Variants in SUGCT observed in about 807,000 individuals in gnomAD.
The protein encoded by SUGCT is succinyl-CoA:glutarate-CoA transferase, also known as succinyl-CoA:glutarate CoA-transferase.
SUGCT carries 41 observed loss-of-function variants against 55.0 expected under a neutral mutation model. The ratio of observed to expected loss-of-function variants is 0.74; its 90% CI spans 0.58 to 0.97. The LOEUF (loss-of-function observed/expected upper bound fraction) is 0.97, where lower values mean the gene tolerates loss of function less well. Among genes scored for constraint, SUGCT ranks in the 50% least tolerant of loss-of-function variants. SUGCT has a pLI of 0.00. For missense variants in SUGCT, 568 were observed against 547.8 expected, an observed-to-expected ratio of 1.04 and a Z score of -0.37; for synonymous variants, 187 against 200.4, an observed-to-expected ratio of 0.93 and a Z score of 0.56.
At chr7:40,282,490 CAA>C (rs1793024922) in intron 8 of SUGCT, among the ~76,000 whole-genome samples, 5 of 99,150 alleles carry the variant, frequency 5.0e-5, no homozygotes, top group Admixed American at 3.0e-4. Flanking sequence ...AAAACAAAAA[CAA>C]AAACAAACAA....
the SUGCT span, among the ~76,000 whole-genome samples, chr7:40,978,255 T>C: frequency 6.6e-6 from 1 of 152,208 alleles, no homozygotes; most frequent in African/African-American, 2.4e-5. Flanking sequence ...GTCATTTGTC[T>C]TTGCCTCTGG....
intron 12 of SUGCT, among the ~76,000 whole-genome samples, chr7:40,745,291 C>T (rs1787679374): frequency 6.6e-6 from 1 of 152,162 alleles, no homozygotes; most frequent in Non-Finnish European, 1.5e-5. Context: ...TCCTCTCTCA[C>T]TTTCCATAAA....
intron 7 of SUGCT, among the ~76,000 whole-genome samples, chr7:40,260,297 G>T (rs1386087187): frequency 5.3e-5 from 8 of 152,084 alleles, no homozygotes; most frequent in Non-Finnish European, 1.0e-4. Context: ...AATTGAGAGA[G>T]AATCTTTGGG....
intron 6 of SUGCT, among the ~76,000 whole-genome samples, chr7:40,235,338 T>C (rs1335509689): frequency 6.6e-6 from 1 of 152,166 alleles, no homozygotes; most frequent in Non-Finnish European, 1.5e-5. Flanking sequence ...TTGTTATTTT[T>C]ATTTTTTGAG....
intron 9 of SUGCT, among the ~76,000 whole-genome samples, chr7:40,396,356 C>T (rs1273991257): frequency 6.6e-6 from 1 of 151,968 alleles, no homozygotes; most frequent in Non-Finnish European, 1.5e-5. Context: ...ATAATTTGCC[C>T]TGAAAAGTAC....
chr7:40,307,889 A>G (rs989002729), intron 8 of SUGCT, among the ~76,000 whole-genome samples: 3 of 152,202 alleles, frequency 2.0e-5, no homozygotes, highest in East Asian at 1.9e-4. Context: ...GTAAAGTAAC[A>G]GTATTAGGTT....
rs1444709449 is a variant in SUGCT at position 40,614,081 on chromosome 7, G to A, written c.1089+117695G>A. On this transcript the variant is annotated intron_variant, in intron 12 of 13. Transcript: ENST00000335693. ...CATTTAATTCAGGGAATTACCCTGA[G>A]GTCAGGGTAGAAGATAAGCCAAAAA... Among the ~76,000 whole-genome samples, 3 of 151,818 alleles carry A rather than the reference G, an allele frequency of 2.0e-5. No individual in the cohort carries two copies. The East Asian group carries it at 5.8e-4, about 29-fold the overall frequency.
chr7:40,900,289 C>T, the SUGCT span, among the ~76,000 whole-genome samples: 1 of 152,210 alleles, frequency 6.6e-6, no homozygotes, highest in East Asian at 1.9e-4. Flanking sequence ...GCTCCTCCTG[C>T]ATGACCAAGA....
At chr7:40,768,034 G>A (rs1788891440) in intron 13 of SUGCT, among the ~76,000 whole-genome samples, 1 of 152,146 alleles carries the variant, frequency 6.6e-6, no homozygotes. Flanking sequence ...GTGAGGACTG[G>A]CCATGGGTCA....
chr7:40,206,302 A>G (rs534128089), intron 6 of SUGCT, among the ~76,000 whole-genome samples: 2 of 152,294 alleles, frequency 1.3e-5, no homozygotes, highest in South Asian at 2.1e-4. Flanking sequence ...TTTAGATAGC[A>G]TTCATCTCGC....
downstream of SUGCT, among the ~76,000 whole-genome samples, chr7:40,865,631 C>G (rs931379091): frequency 7.2e-5 from 11 of 152,166 alleles, no homozygotes; most frequent in African/African-American, 2.7e-4. Context: ...TTGGGTCTTG[C>G]TGTTGTGGTT....
At chr7:40,584,261 A>G (rs1797256722) in intron 12 of SUGCT, among the ~76,000 whole-genome samples, 1 of 152,192 alleles carries the variant, frequency 6.6e-6, no homozygotes, top group Admixed American at 6.5e-5. Context: ...AAGAATTTTA[A>G]AAATCAAACC....
At chr7:40,904,008 C>T in the SUGCT span, among the ~76,000 whole-genome samples, 1 of 152,186 alleles carries the variant, frequency 6.6e-6, no homozygotes, top group African/African-American at 2.4e-5. Context: ...GCGCAGCTTA[C>T]ATCACGCATA....
intron 9 of SUGCT, among the ~76,000 whole-genome samples, chr7:40,375,117 C>G (rs1373504702): frequency 6.6e-6 from 1 of 152,156 alleles, no homozygotes; most frequent in Non-Finnish European, 1.5e-5. Flanking sequence ...CGTCACAAAG[C>G]TACGTGTTCT....
chr7:40,211,845 G>T (rs1415449490), intron 6 of SUGCT, among the ~76,000 whole-genome samples: 1 of 152,098 alleles, frequency 6.6e-6, no homozygotes, highest in Admixed American at 6.6e-5. Context: ...TAGAGCAGGG[G>T]CCTGGAAGAA....
At chr7:40,505,859 TTTGAG>T (rs1303151792) in intron 12 of SUGCT, among the ~76,000 whole-genome samples, 1 of 152,228 alleles carries the variant, frequency 6.6e-6, no homozygotes, top group East Asian at 1.9e-4. Context: ...TTGCTATTGA[TTTGAG>T]TTATTAAATG....
At chr7:40,367,821 A>C (rs1051472029) in intron 9 of SUGCT, among the ~76,000 whole-genome samples, 6 of 152,044 alleles carry the variant, frequency 3.9e-5, no homozygotes, top group African/African-American at 1.4e-4. Flanking sequence ...CCCAAGCGTC[A>C]TGTCACCCAA....
intron 12 of SUGCT, among the ~76,000 whole-genome samples, chr7:40,552,325 G>C (rs1414548417): frequency 6.6e-6 from 1 of 152,110 alleles, no homozygotes; most frequent in East Asian, 1.9e-4. Flanking sequence ...TTTCTAATTT[G>C]TAACCATTTC....
intron 8 of SUGCT, among the ~76,000 whole-genome samples, chr7:40,282,035 G>C (rs1324417250): frequency 1.3e-5 from 2 of 152,102 alleles, no homozygotes; most frequent in Non-Finnish European, 2.9e-5. Context: ...TGGCCAGGCT[G>C]TTCTCGAACT....
Sources: allele counts gnomAD v4.1 joint callset (sites outside exome capture counted in the v4.1 genomes callset), GRCh38; gene constraint gnomAD v4.1.1; transcripts MANE v1.5; gene names NCBI Gene and HGNC (gene_info 2026-07-23, HGNC 2026-07-21).